The following EYA4 variants were observed in gnomAD, a reference collection of about 807,000 sequenced individuals.
The protein encoded by EYA4 is protein phosphatase EYA4.
In EYA4, 31 loss-of-function variants were observed where a neutral mutation model predicts 87.9. The observed-to-expected ratio is 0.35, with a 90% CI of 0.27 to 0.48. The LOEUF (loss-of-function observed/expected upper bound fraction) is 0.48, where lower values mean the gene tolerates loss of function less well. Among genes scored for constraint, EYA4 ranks in the 20% least tolerant of loss-of-function variants. The pLI is 0.99. For synonymous variants in EYA4, 263 were observed against 270.6 expected, an observed-to-expected ratio of 0.97 and a Z score of 0.28; for missense variants, 678 against 761.4, an observed-to-expected ratio of 0.89 and a Z score of 1.29.
At chr6:133,410,882 TGAA>T (rs1453296403) in intron 3 of EYA4, among the ~76,000 whole-genome samples, 2 of 151,878 alleles carry the variant, frequency 1.3e-5, no homozygotes, top group African/African-American at 2.4e-5. Flanking sequence ...GGAAGAGAGT[TGAA>T]GAAGATCAAA....
chr6:133,269,844 C>T (rs953424670), intron 1 of EYA4, among the ~76,000 whole-genome samples: 4 of 152,184 alleles, frequency 2.6e-5, no homozygotes, highest in Admixed American at 6.5e-5. Flanking sequence ...TTATTATTAA[C>T]TTAACTTACC....
intron 3 of EYA4, among the ~76,000 whole-genome samples, chr6:133,426,036 G>T (rs1191129109): frequency 1.3e-5 from 2 of 150,918 alleles, no homozygotes; most frequent in Non-Finnish European, 2.9e-5. Flanking sequence ...CCATCTTCTG[G>T]AATGTTTCGC....
In EYA4 at chr6:133,481,523, G is replaced by GT. The variant is rs1796216240; in HGVS notation, c.1032dup (p.Arg345Ter). ...ATCAAAGATCTTGATGAGAGAACCT[G>GT]TAGGAGTTCTGGGTCAAAGTCCAGA... On this transcript the variant is annotated frameshift_variant, in exon 12 of 20. Transcript: ENST00000355286. LOFTEE classifies it high-confidence loss of function. The GT allele has an allele frequency of 6.2e-7, 1 of 1,613,760 alleles. No individual in the cohort carries two copies. The highest frequency in any genetic ancestry group is 1.3e-5 in the African/African-American group (1 of 74,904).
chr6:133,298,951 TAA>T (rs1185600798), intron 2 of EYA4, among the ~76,000 whole-genome samples: 1 of 152,170 alleles, frequency 6.6e-6, no homozygotes, highest in African/African-American at 2.4e-5. Context: ...TAAAGATAAG[TAA>T]AAGAGTCTCT....
intron 13 of EYA4, among the ~76,000 whole-genome samples, chr6:133,485,360 A>T (rs1399731675): frequency 6.6e-6 from 1 of 152,226 alleles, no homozygotes; most frequent in Non-Finnish European, 1.5e-5. Flanking sequence ...AAGGAAACTA[A>T]CCATTATGGA....
chr6:133,529,636 A>G lies in EYA4; in HGVS notation c.*831A>G, dbSNP rs936896852. The G allele has an allele frequency of 2.0e-6, 2 of 985,338 alleles. No homozygotes were observed. Among genetic ancestry groups the G allele is most frequent in the African/African-American group, 3.5e-5 (2 of 57,240 alleles). The allele number at this position is 985,338 out of a possible 1,614,324, so 61.0% of individuals were successfully genotyped here. Reference sequence around the variant, plus strand: ...CAAGAAACTGAGTATTTTTTGCAATAAGAAAACAACAATAATAAAGGAAAG... The same window carrying G: ...CAAGAAACTGAGTATTTTTTGCAATGAGAAAACAACAATAATAAAGGAAAG... On this transcript the variant is annotated 3_prime_UTR_variant, in exon 20 of 20. Coordinates refer to ENST00000355286, the MANE Select transcript of EYA4 (RefSeq NM_004100.5).
intron 3 of EYA4, among the ~76,000 whole-genome samples, chr6:133,441,248 T>G (rs1203262371): frequency 6.6e-6 from 1 of 152,214 alleles, no homozygotes; most frequent in Non-Finnish European, 1.5e-5. Context: ...TTTTGCAATG[T>G]CCAATATGCT....
intron 13 of EYA4, among the ~76,000 whole-genome samples, chr6:133,483,925 T>A (rs1393208828): frequency 6.6e-6 from 1 of 152,028 alleles, no homozygotes; most frequent in Non-Finnish European, 1.5e-5. Flanking sequence ...GGTTTCACCA[T>A]GTTGGCCAGG....
intron 2 of EYA4, among the ~76,000 whole-genome samples, chr6:133,294,047 AT>A (rs1194463867): frequency 1.0e-4 from 9 of 89,774 alleles, no homozygotes; most frequent in Admixed American, 7.3e-4. Flanking sequence ...ATATATATAT[AT>A]ATATATATAT....
intron 2 of EYA4, among the ~76,000 whole-genome samples, chr6:133,292,673 T>A (rs1042798728): frequency 2.0e-5 from 3 of 152,194 alleles, no homozygotes; most frequent in Non-Finnish European, 4.4e-5. Context: ...TAGGAGTTGA[T>A]CTAAAAGGAA....
intron 2 of EYA4, among the ~76,000 whole-genome samples, chr6:133,286,328 A>G (rs1778061082): frequency 6.6e-6 from 1 of 152,242 alleles, no homozygotes; most frequent in African/African-American, 2.4e-5. Context: ...TTGGGAACTC[A>G]GGGAAATGAG....
At chr6:133,276,634 A>G (rs923303025) in intron 2 of EYA4, among the ~76,000 whole-genome samples, 31 of 152,204 alleles carry the variant, frequency 2.0e-4, no homozygotes, top group African/African-American at 7.2e-4. Context: ...TTTGAGAACA[A>G]GAAATCTAGG....
chr6:133,479,247 A>G (rs1337369240), intron 11 of EYA4, among the ~76,000 whole-genome samples: 2 of 152,314 alleles, frequency 1.3e-5, no homozygotes, highest in Admixed American at 6.5e-5. Context: ...TTTAATGCCT[A>G]TACAAATAAG....
At chr6:133,451,955 A>T (rs77321455) in intron 5 of EYA4, among the ~76,000 whole-genome samples, 23 of 134,458 alleles carry the variant, frequency 1.7e-4, no homozygotes, top group Non-Finnish European at 3.7e-4. Context: ...TCTTTTGTAG[A>T]TTTTTTTTTA....
Position 133,530,589 on chromosome 6 carries a change from A to C in EYA4, c.*1784A>C. 1.0e-6 allele frequency: 1 copy of C among 985,792 alleles called. No homozygotes were observed. The highest frequency in any genetic ancestry group is 1.2e-6 in the Non-Finnish European group (1 of 829,930). 61.1% of individuals were successfully genotyped at this position (985,792 alleles called of 1,614,324 possible). On this transcript the variant is annotated 3_prime_UTR_variant, in exon 20 of 20. Transcript: ENST00000355286. ...CCTCTGTGGCTTCAATAAAGTCTAC[A>C]TTTTGCTCACAGATCACAACATTCA...
intron 3 of EYA4, among the ~76,000 whole-genome samples, chr6:133,436,892 G>C (rs1467444393): frequency 1.3e-5 from 2 of 152,082 alleles, no homozygotes; most frequent in African/African-American, 4.8e-5. Flanking sequence ...ATAAATAATG[G>C]CTTCAGAGTT....
Position 133,464,853 on chromosome 6 carries a change from C to T in EYA4, c.799C>T (p.Gln267Ter). The change falls in exon 10 of 20, where the codon CAA becomes TAA. Residue 267 changes from glutamine to a stop codon, truncating the protein, a stop_gained. Coordinates refer to ENST00000355286, the MANE Select transcript of EYA4 (RefSeq NM_004100.5). LOFTEE classifies it high-confidence loss of function. ...VSNSTNFSGSQQDYPSYTAFG... is the reference protein window; with the variant it reads ...VSNSTNFSGS ...CAATTCAACGAATTTCAGTGGTTCA[C>T]AACAGGTATAGTAGCTTTTTGTGTT... The T allele has an allele frequency of 6.2e-7, 1 of 1,603,124 alleles. No individual in the cohort carries two copies. Among genetic ancestry groups the T allele is most frequent in the Non-Finnish European group, 8.5e-7 (1 of 1,170,830 alleles).
At chr6:133,409,861 A>C (rs1789054036) in intron 3 of EYA4, among the ~76,000 whole-genome samples, 1 of 152,200 alleles carries the variant, frequency 6.6e-6, no homozygotes, top group Non-Finnish European at 1.5e-5. Context: ...AAGAAAGGTG[A>C]CTGTGAAAGA....
At chr6:133,420,551 A>G (rs1210008017) in intron 3 of EYA4, among the ~76,000 whole-genome samples, 1 of 152,250 alleles carries the variant, frequency 6.6e-6, no homozygotes, top group Non-Finnish European at 1.5e-5. Flanking sequence ...CCTTCCAGGC[A>G]TCCATTCTTT....
Sources: gnomAD v4.1 joint callset for allele counts (sites outside exome capture counted in the v4.1 genomes callset) on GRCh38, gnomAD v4.1.1 for gene constraint, MANE v1.5 for transcripts, NCBI Gene and HGNC (gene_info 2026-07-23, HGNC 2026-07-21) for gene names.